Variants in B4GALT6 observed in about 807,000 individuals in gnomAD.
B4GALT6 encodes the protein UDP-Gal:beta-GlcNAc beta-1,4-galactosyltransferase 6.
A neutral mutation model predicts 46.3 loss-of-function variants in B4GALT6; 14 were observed. That is an observed-to-expected ratio of 0.30 (90% confidence interval 0.20 to 0.47). The LOEUF (loss-of-function observed/expected upper bound fraction) is 0.47, where lower values mean the gene tolerates loss of function less well. B4GALT6 is among the 20% of genes least tolerant of loss of function. B4GALT6 has a pLI of 0.99. For synonymous variants in B4GALT6, 168 were observed against 162.0 expected, an observed-to-expected ratio of 1.04 and a Z score of -0.28; for missense variants, 386 against 480.1, an observed-to-expected ratio of 0.80 and a Z score of 1.83.
chr18:31,676,700 T>G lies in B4GALT6; in HGVS notation c.115+7612A>C, dbSNP rs144889256. On this transcript the variant is annotated intron_variant, in intron 1 of 8. Transcript: ENST00000306851. Reference sequence around the variant, plus strand: ...ATTAGTTCTATGAAATATCAAATGATGTAAGATAATCAATTTAGAAAAGTA... The same window carrying G: ...ATTAGTTCTATGAAATATCAAATGAGGTAAGATAATCAATTTAGAAAAGTA... Among the ~76,000 whole-genome samples the G allele has an allele frequency of 2.2e-3, 329 of 152,320 alleles. 2 individuals carry two copies. The highest frequency in any genetic ancestry group is 6.8e-3 in the Middle Eastern group (2 of 294).
At chr18:31,630,528 G>A (rs1168998523) in intron 6 of B4GALT6, among the ~76,000 whole-genome samples, 1 of 152,022 alleles carries the variant, frequency 6.6e-6, no homozygotes, top group Non-Finnish European at 1.5e-5. Context: ...GGGGAGAGCA[G>A]GCAGGAGTCA....
upstream of B4GALT6, among the ~76,000 whole-genome samples, chr18:31,685,134 C>T (rs2074531029): frequency 6.8e-6 from 1 of 147,066 alleles, no homozygotes; most frequent in African/African-American, 2.5e-5. Flanking sequence ...GAGCTGAGCA[C>T]AGGCCAGGGC....
At chr18:31,673,115 A>C (rs80046964) in intron 1 of B4GALT6, among the ~76,000 whole-genome samples, 2,614 of 152,252 alleles carry the variant, frequency 0.017, 61 homozygotes, top group East Asian at 0.1. Flanking sequence ...GCACTAAAAG[A>C]AGCAAGAGGA....
intron 1 of B4GALT6, among the ~76,000 whole-genome samples, chr18:31,671,447 C>T (rs917835905): frequency 3.3e-5 from 5 of 152,180 alleles, no homozygotes; most frequent in Non-Finnish European, 7.3e-5. Flanking sequence ...CTGTAACTGG[C>T]ATGAGATGGT....
intron 5 of B4GALT6, among the ~76,000 whole-genome samples, chr18:31,634,938 G>C (rs1301315038): frequency 6.6e-6 from 1 of 152,122 alleles, no homozygotes; most frequent in Non-Finnish European, 1.5e-5. Context: ...GAATTCTCAG[G>C]ACCATATGCC....
At chr18:31,705,773 T>A in the B4GALT6 span, among the ~76,000 whole-genome samples, 5 of 152,232 alleles carry the variant, frequency 3.3e-5, no homozygotes. Flanking sequence ...TAACTTGTAT[T>A]AACAGATAGA....
At chr18:31,659,687 A>C (rs764251851) in intron 2 of B4GALT6, among the ~76,000 whole-genome samples, 3 of 152,148 alleles carry the variant, frequency 2.0e-5, no homozygotes, top group Non-Finnish European at 4.4e-5. Flanking sequence ...TCCTACCAGG[A>C]AGTGGGAAAG....
chr18:31,628,652 T>C (rs2073734013), intron 6 of B4GALT6, among the ~76,000 whole-genome samples: 1 of 152,184 alleles, frequency 6.6e-6, no homozygotes, highest in Non-Finnish European at 1.5e-5. Context: ...TGGTCAGCAG[T>C]AGTGTGGCCA....
intron 3 of B4GALT6, among the ~76,000 whole-genome samples, chr18:31,653,750 A>C (rs930872626): frequency 2.6e-5 from 4 of 152,106 alleles, no homozygotes; most frequent in South Asian, 2.1e-4. Flanking sequence ...CCGGCCTCAT[A>C]ATCTTTTCAT....
At chr18:31,646,942 G>A (rs2073998048) in intron 3 of B4GALT6, among the ~76,000 whole-genome samples, 1 of 152,202 alleles carries the variant, frequency 6.6e-6, no homozygotes, top group South Asian at 2.1e-4. Context: ...TCAGCCTTCA[G>A]CGTGACAAGA....
At chr18:31,674,342 A>G (rs1401402474) in intron 1 of B4GALT6, among the ~76,000 whole-genome samples, 1 of 152,200 alleles carries the variant, frequency 6.6e-6, no homozygotes, top group East Asian at 1.9e-4. Flanking sequence ...GAGACAAGGA[A>G]AAAGAAATCT....
At chr18:31,649,575 C>CAAAAAAAAAAAAAAAA (rs66578099) in intron 3 of B4GALT6, among the ~76,000 whole-genome samples, 7 of 102,416 alleles carry the variant, frequency 6.8e-5, no homozygotes, top group South Asian at 3.8e-4. Flanking sequence ...AAAAAATGAG[C>CAAAAAAAAAAAAAAAA]AAAAAAAAAA....
chr18:31,708,549 AGT>A, the B4GALT6 span, among the ~76,000 whole-genome samples: 1 of 152,164 alleles, frequency 6.6e-6, no homozygotes, highest in Admixed American at 6.6e-5. Flanking sequence ...TGGGAGACAG[AGT>A]GAGACTCGTC....
chr18:31,632,932 T>C (rs2073809696), intron 5 of B4GALT6, among the ~76,000 whole-genome samples: 1 of 152,168 alleles, frequency 6.6e-6, no homozygotes. Flanking sequence ...CTCCAGACCA[T>C]GTGTGCATAT....
At chr18:31,657,131 C>G (rs928677980) in intron 3 of B4GALT6, among the ~76,000 whole-genome samples, 2 of 152,160 alleles carry the variant, frequency 1.3e-5, no homozygotes, top group African/African-American at 4.8e-5. Context: ...AGCAATTCCA[C>G]CACTAGCCAT....
chr18:31,686,808 T>C (rs1444160933), upstream of B4GALT6: 1 of 152,256 alleles, frequency 6.6e-6, no homozygotes, highest in African/African-American at 2.4e-5. Context: ...ATCCCACTGT[T>C]CATTTATCTT....
upstream of B4GALT6, chr18:31,684,609 T>A (rs1214960838): frequency 9.2e-7 from 1 of 1,082,426 alleles, no homozygotes; most frequent in African/African-American, 2.1e-5. Context: ...ACGGAATGAA[T>A]GGGAGGCCAG....
the B4GALT6 span, among the ~76,000 whole-genome samples, chr18:31,714,190 T>C: frequency 4.6e-5 from 7 of 152,248 alleles, no homozygotes; most frequent in East Asian, 9.6e-4. Context: ...GCCACATTTC[T>C]GGTGTTCAGT....
At chr18:31,720,233 C>T in the B4GALT6 span, among the ~76,000 whole-genome samples, 1 of 152,150 alleles carries the variant, frequency 6.6e-6, no homozygotes, top group Non-Finnish European at 1.5e-5. Flanking sequence ...TGTAATTTTG[C>T]AAAGGTGGTT....
Sources: gnomAD v4.1 joint callset for allele counts (sites outside exome capture counted in the v4.1 genomes callset) on GRCh38, gnomAD v4.1.1 for gene constraint, MANE v1.5 for transcripts, NCBI Gene and HGNC (gene_info 2026-07-23, HGNC 2026-07-21) for gene names.